PCDH15: variants seen among roughly 807,000 people sequenced by gnomAD.
The protein encoded by PCDH15 is protocadherin related 15.
PCDH15 carries 129 observed loss-of-function variants against 178.5 expected under a neutral mutation model. That is an observed-to-expected ratio of 0.72 (90% CI 0.63 to 0.84). The LOEUF (loss-of-function observed/expected upper bound fraction) is 0.84, where lower values mean the gene tolerates loss of function less well. PCDH15 is among the 40% of genes least tolerant of loss of function. PCDH15 has a pLI of 0.00. For synonymous variants in PCDH15, 800 were observed against 732.0 expected (o/e 1.09, Z -1.50); for missense variants, 2,230 against 2,099.9 (o/e 1.06, Z -1.21).
rs1444565375 is a variant in PCDH15, at chr10:54,177,438, TG to T, written c.1590+6005del. Among the ~76,000 whole-genome samples, 7 of 152,060 alleles carry T rather than the reference TG, an allele frequency of 4.6e-5. No individual in the cohort carries two copies. In the East Asian group the frequency reaches 1.4e-3, roughly 29 times the overall value. On this transcript the variant is annotated intron_variant, in intron 13 of 37. Coordinates refer to ENST00000644397, the MANE Select transcript of PCDH15 (RefSeq NM_001384140.1). ...AACTACAGACTTTGGATGATAACAATGTGCGAATGTAAGTTCATTAATTGTG... is the reference window on the plus strand; with the variant it reads ...AACTACAGACTTTGGATGATAACAATTGCGAATGTAAGTTCATTAATTGTG...
At chr10:54,313,920 T>G (rs2061064310) in intron 8 of PCDH15, among the ~76,000 whole-genome samples, 1 of 152,074 alleles carries the variant, frequency 6.6e-6, no homozygotes, top group African/African-American at 2.4e-5. Context: ...CAGCAGTCTC[T>G]ATCTTCCTTT....
At chr10:54,125,690 T>C (rs2041930933) in intron 15 of PCDH15, among the ~76,000 whole-genome samples, 1 of 152,186 alleles carries the variant, frequency 6.6e-6, no homozygotes, top group Non-Finnish European at 1.5e-5. Flanking sequence ...TAGGAAAAGT[T>C]ACTTCTGCTT....
At chr10:54,766,541 C>CA (rs1948529232) in intron 1 of PCDH15, among the ~76,000 whole-genome samples, 1 of 141,570 alleles carries the variant, frequency 7.1e-6, no homozygotes, top group South Asian at 2.2e-4. Context: ...GCAATTGATA[C>CA]AAGAAAAAAA....
chr10:54,483,879 G>A (rs2078904224), intron 3 of PCDH15, among the ~76,000 whole-genome samples: 1 of 151,626 alleles, frequency 6.6e-6, no homozygotes, highest in South Asian at 2.1e-4. Context: ...GACAAATAAG[G>A]GTGATGATGT....
chr10:54,925,481 G>A (rs1406275141), intron 2 of PCDH15, among the ~76,000 whole-genome samples: 1 of 151,998 alleles, frequency 6.6e-6, no homozygotes, highest in African/African-American at 2.4e-5. Context: ...GTTCTTTGAG[G>A]AATGTCATTG....
intron 3 of PCDH15, among the ~76,000 whole-genome samples, chr10:54,876,286 A>G (rs990409403): frequency 6.6e-6 from 1 of 152,166 alleles, no homozygotes; most frequent in Non-Finnish European, 1.5e-5. Flanking sequence ...CAATGTTCCT[A>G]GTAACTCAAG....
At chr10:54,616,092 TA>T (rs1382661313) in intron 2 of PCDH15, among the ~76,000 whole-genome samples, 2 of 152,042 alleles carry the variant, frequency 1.3e-5, no homozygotes, top group Admixed American at 1.3e-4. Flanking sequence ...GCAAAGCCTT[TA>T]AAAATGTGTT....
intron 2 of PCDH15, among the ~76,000 whole-genome samples, chr10:55,452,058 T>C (rs1839447508): frequency 6.6e-6 from 1 of 152,218 alleles, no homozygotes; most frequent in Non-Finnish European, 1.5e-5. Flanking sequence ...TGTTGTATAT[T>C]AGAAATAAAG....
intron 2 of PCDH15, among the ~76,000 whole-genome samples, chr10:55,133,755 C>G (rs1838116109): frequency 6.6e-6 from 1 of 152,120 alleles, no homozygotes; most frequent in Non-Finnish European, 1.5e-5. Flanking sequence ...ATTGTCCAAG[C>G]TAAATTGTAG....
At chr10:54,723,526 CA>C (rs1244479756) in intron 1 of PCDH15, among the ~76,000 whole-genome samples, 1 of 151,580 alleles carries the variant, frequency 6.6e-6, no homozygotes, top group African/African-American at 2.4e-5. Context: ...GTAAATGCAA[CA>C]AAAACAAAAT....
chr10:54,024,454 C>T (rs1448223354), intron 18 of PCDH15, among the ~76,000 whole-genome samples: 1 of 152,072 alleles, frequency 6.6e-6, no homozygotes, highest in African/African-American at 2.4e-5. Flanking sequence ...GTGGTATATC[C>T]AGTTTTACAG....
At position 54,027,638 on chromosome 10, in the gene PCDH15, A is replaced by G. The variant is rs540183841; in HGVS notation, c.2221-4441T>C. Among the ~76,000 whole-genome samples the G allele has an allele frequency of 2.0e-5, 3 of 148,906 alleles. No homozygotes were observed. The South Asian group carries it at 6.6e-4, about 33-fold the overall frequency. ...ACAGAGCCCTCAGAAATAATGCTGCATATCTACAACTATCTGATCTTTGAC... is the reference window on the plus strand; with the variant it reads ...ACAGAGCCCTCAGAAATAATGCTGCGTATCTACAACTATCTGATCTTTGAC... On this transcript the variant is annotated intron_variant, in intron 18 of 37. Transcript: ENST00000644397.
chr10:55,274,408 CT>C (rs201229403), intron 1 of PCDH15, among the ~76,000 whole-genome samples: 2,154 of 152,200 alleles, frequency 0.014, 59 homozygotes, highest in African/African-American at 0.048. Context: ...GATATTTTCT[CT>C]CTAGCAAACC....
chr10:55,142,748 A>T (rs1443777331), intron 2 of PCDH15, among the ~76,000 whole-genome samples: 1 of 151,466 alleles, frequency 6.6e-6, no homozygotes, highest in African/African-American at 2.4e-5. Context: ...AGCAAACTCA[A>T]GTCTCTTATT....
intron 26 of PCDH15, among the ~76,000 whole-genome samples, chr10:53,874,741 T>TA (rs60047039): frequency 0.64 from 96,538 of 151,604 alleles, 31,443 homozygotes; most frequent in Middle Eastern, 0.78. Flanking sequence ...TCCGTTGAGA[T>TA]AAAAAAATCA....
At chr10:55,249,689 G>A (rs1057165891) in intron 1 of PCDH15, among the ~76,000 whole-genome samples, 3 of 152,044 alleles carry the variant, frequency 2.0e-5, no homozygotes, top group Non-Finnish European at 4.4e-5. Context: ...TAGTAATAAT[G>A]TGTCTAATAT....
chr10:55,498,101 G>T (rs940278421), intron 2 of PCDH15, among the ~76,000 whole-genome samples: 3 of 151,752 alleles, frequency 2.0e-5, no homozygotes, highest in Non-Finnish European at 4.4e-5. Context: ...AAATGACTGG[G>T]CAATTGAAGA....
At chr10:55,091,954 A>G (rs1273701845) in intron 2 of PCDH15, among the ~76,000 whole-genome samples, 1 of 151,854 alleles carries the variant, frequency 6.6e-6, no homozygotes, top group Non-Finnish European at 1.5e-5. Flanking sequence ...TAAAACCAAG[A>G]TTTTGGTTTG....
At chr10:54,705,324 AT>A (rs1175136352) in intron 1 of PCDH15, among the ~76,000 whole-genome samples, 1 of 152,122 alleles carries the variant, frequency 6.6e-6, no homozygotes, top group African/African-American at 2.4e-5. Context: ...ATTAAAAAAA[AT>A]ACATGCTAAG....
Sources: allele counts gnomAD v4.1 joint callset (sites outside exome capture counted in the v4.1 genomes callset), GRCh38; gene constraint gnomAD v4.1.1; transcripts MANE v1.5; gene names NCBI Gene and HGNC (gene_info 2026-07-23, HGNC 2026-07-21).